Variants in ACTR2 observed in about 807,000 individuals in gnomAD.
The protein encoded by ACTR2 is actin-related protein 2.
Under a neutral mutation model 50.2 loss-of-function variants are expected in ACTR2, and 5 were observed. The ratio of observed to expected loss-of-function variants is 0.10; its 90% confidence interval spans 0.05 to 0.21. The LOEUF is 0.21. Ranked by LOEUF, ACTR2 falls within the 10% of genes least tolerant of loss-of-function variation. The pLI, the probability that ACTR2 is intolerant of heterozygous loss-of-function variation, is 1.00. For synonymous variants in ACTR2, 140 were observed against 162.9 expected (o/e 0.86, Z 1.07); for missense variants, 180 against 480.6 (o/e 0.37, Z 5.85).
chr2:65,251,227 T>C, intron 4 of ACTR2, 128 bp downstream of exon 4: 1 of 460,868 alleles, frequency 2.2e-6, no homozygotes, highest in East Asian at 3.5e-5. Flanking sequence ...ATACCACACT[T>C]TGAAATATTT....
chr2:65,234,495 C>A (rs1671702145), intron 1 of ACTR2, among the ~76,000 whole-genome samples: 1 of 151,904 alleles, frequency 6.6e-6, no homozygotes, highest in South Asian at 2.1e-4. Context: ...CAGTTTTTGT[C>A]TTCTAACTTG....
chr2:65,245,981 T>C (rs770613476), intron 2 of ACTR2, among the ~76,000 whole-genome samples: 19 of 124,406 alleles, frequency 1.5e-4, no homozygotes, highest in Non-Finnish European at 2.7e-4. Context: ...CATATGTAGA[T>C]AGAAGTTTGT....
intron 7 of ACTR2, among the ~76,000 whole-genome samples, chr2:65,263,921 G>C (rs369022710): frequency 1.1e-4 from 16 of 152,296 alleles, no homozygotes; most frequent in African/African-American, 3.8e-4. Context: ...TGGGTGTGGT[G>C]ACGGGTGCCT....
intron 8 of ACTR2, among the ~76,000 whole-genome samples, chr2:65,267,015 G>A (rs144959829): frequency 3.9e-4 from 59 of 152,284 alleles, no homozygotes; most frequent in African/African-American, 1.4e-3. Flanking sequence ...GCAATGAAGA[G>A]CAATAACTCA....
rs532250762 is a variant in ACTR2 at position 65,268,166 on chromosome 2, C to G, written c.1015-398C>G. 7.2e-5 allele frequency among the ~76,000 whole-genome samples: 11 copies of G among 152,282 alleles called. 1 individual carries two copies. The highest frequency in any genetic ancestry group is 2.6e-4 in the African/African-American group (11 of 41,566). ...GTCCTCTTATCCAGACTTTGCTTGA[C>G]AGCAAAGTGACTTTCCCAAGTGGTC... On this transcript the variant is annotated intron_variant, in intron 8 of 8. Transcript: ENST00000260641.
At chr2:65,257,536 C>CGA (rs1304875824) in intron 6 of ACTR2, among the ~76,000 whole-genome samples, 1 of 152,186 alleles carries the variant, frequency 6.6e-6, no homozygotes, top group Non-Finnish European at 1.5e-5. Context: ...TTGTCTTCCA[C>CGA]AATGGTTGAA....
At chr2:65,243,282 AAAG>A (rs1671875693) in intron 2 of ACTR2, among the ~76,000 whole-genome samples, 1 of 152,062 alleles carries the variant, frequency 6.6e-6, no homozygotes, top group Non-Finnish European at 1.5e-5. Context: ...ATCTCAAAAA[AAAG>A]AAAAGAAAAG....
At chr2:65,243,916 C>G (rs1157759271) in intron 2 of ACTR2, among the ~76,000 whole-genome samples, 1 of 151,888 alleles carries the variant, frequency 6.6e-6, no homozygotes, top group Non-Finnish European at 1.5e-5. Flanking sequence ...TAACTTGGTT[C>G]TGAGTGATGA....
At chr2:65,240,434 T>A (rs897612371) in intron 2 of ACTR2, among the ~76,000 whole-genome samples, 2 of 152,320 alleles carry the variant, frequency 1.3e-5, no homozygotes, top group Non-Finnish European at 2.9e-5. Flanking sequence ...TAAATCTCAT[T>A]GATTCCTCTT....
chr2:65,231,128 T>G (rs534506000), intron 1 of ACTR2, among the ~76,000 whole-genome samples: 56 of 152,296 alleles, frequency 3.7e-4, no homozygotes, highest in Admixed American at 9.8e-4. Context: ...ATTCTTTTCC[T>G]TAAGACAAGT....
Position 65,251,618 on chromosome 2 carries a change from C to T in ACTR2, c.448+519C>T, listed in dbSNP as rs952121174. On this transcript the variant is annotated intron_variant, in intron 4 of 8. Coordinates refer to ENST00000260641, the MANE Select transcript of ACTR2 (RefSeq NM_005722.4). Reference sequence around the variant, plus strand: ...TCAGGTAGTCCGCCCGCCTCAGCCTCCTGAAGTGCTGGGATTACAGGCATG... The same window carrying T: ...TCAGGTAGTCCGCCCGCCTCAGCCTTCTGAAGTGCTGGGATTACAGGCATG... Among the ~76,000 whole-genome samples, 8 of 152,260 alleles carry T rather than the reference C, an allele frequency of 5.3e-5. No individual in the cohort carries two copies. The East Asian group carries it at 1.5e-3, about 29-fold the overall frequency.
chr2:65,251,878 A>G (rs976363265), intron 4 of ACTR2, among the ~76,000 whole-genome samples: 39 of 151,978 alleles, frequency 2.6e-4, no homozygotes, highest in African/African-American at 8.9e-4. Flanking sequence ...GCCATTAGCA[A>G]CTGCCTCCCT....
At chr2:65,258,840 T>C (rs967059127) in intron 6 of ACTR2, among the ~76,000 whole-genome samples, 17 of 152,170 alleles carry the variant, frequency 1.1e-4, no homozygotes, top group African/African-American at 4.1e-4. Context: ...AGGCTTCAAG[T>C]GCTTAAGGCA....
intron 7 of ACTR2, among the ~76,000 whole-genome samples, chr2:65,262,388 C>A (rs1235898908): frequency 6.6e-6 from 1 of 150,394 alleles, no homozygotes; most frequent in Non-Finnish European, 1.5e-5. Context: ...TACCACCATG[C>A]CCAGAATTTT....
chr2:65,235,616 GCA>G (rs1231013314), intron 1 of ACTR2, among the ~76,000 whole-genome samples: 1 of 152,094 alleles, frequency 6.6e-6, no homozygotes, highest in Admixed American at 6.6e-5. Flanking sequence ...TTAGCCAGGT[GCA>G]GTGGCGAGCG....
intron 8 of ACTR2, among the ~76,000 whole-genome samples, chr2:65,268,261 T>G (rs1046231068): frequency 5.3e-5 from 8 of 152,088 alleles, no homozygotes; most frequent in Non-Finnish European, 1.0e-4. Flanking sequence ...GGGTGTTAAG[T>G]CATGTAATTT....
intron 4 of ACTR2, 133 bp downstream of exon 4, chr2:65,251,232 A>G: frequency 2.2e-6 from 1 of 452,532 alleles, no homozygotes; most frequent in East Asian, 3.5e-5. Flanking sequence ...ACACTTTGAA[A>G]TATTTTCAGT....
intron 2 of ACTR2, among the ~76,000 whole-genome samples, chr2:65,242,817 T>C (rs568208701): frequency 6.6e-5 from 10 of 152,354 alleles, no homozygotes; most frequent in Admixed American, 5.9e-4. Context: ...TTGTTTTTAA[T>C]ATTGTTTGTA....
intron 4 of ACTR2, among the ~76,000 whole-genome samples, chr2:65,253,246 C>G (rs1292416048): frequency 6.6e-6 from 1 of 152,094 alleles, no homozygotes; most frequent in Non-Finnish European, 1.5e-5. Context: ...TCGAGACCAG[C>G]TTGGGCAACA....
Sources: gnomAD v4.1 joint callset for allele counts (sites outside exome capture counted in the v4.1 genomes callset) on GRCh38, gnomAD v4.1.1 for gene constraint, MANE v1.5 for transcripts, NCBI Gene and HGNC (gene_info 2026-07-23, HGNC 2026-07-21) for gene names.